Variants in TLK1 observed in about 807,000 individuals in gnomAD.
TLK1 encodes the protein tousled like kinase 1, also known as serine/threonine-protein kinase tousled-like 1.
In TLK1, 24 loss-of-function variants were observed where a neutral mutation model predicts 105.3. The ratio of observed to expected loss-of-function variants is 0.23; its 90% CI spans 0.17 to 0.32. The LOEUF is 0.32. TLK1 is among the 10% of genes least tolerant of loss of function. The probability of loss-of-function intolerance (pLI) is 1.00; values close to 1 mark genes in which losing one functional copy is unlikely to be tolerated. For missense variants in TLK1, 558 were observed against 910.5 expected, an observed-to-expected ratio of 0.61 and a Z score of 4.98; for synonymous variants, 321 against 310.4, an observed-to-expected ratio of 1.03 and a Z score of -0.36.
intron 3 of TLK1, among the ~76,000 whole-genome samples, chr2:171,062,280 G>C (rs1330865933): frequency 1.3e-5 from 2 of 152,176 alleles, no homozygotes; most frequent in African/African-American, 2.4e-5. Context: ...ATGAATGAAT[G>C]AATCTTACTA....
intron 2 of TLK1, among the ~76,000 whole-genome samples, chr2:171,111,099 T>C (rs1404340024): frequency 1.3e-5 from 2 of 152,098 alleles, no homozygotes; most frequent in Non-Finnish European, 2.9e-5. Context: ...AAAACAAAAA[T>C]TTGTTTATTT....
intron 1 of TLK1, among the ~76,000 whole-genome samples, chr2:171,184,214 G>T (rs571700141): frequency 1.2e-4 from 18 of 152,318 alleles, no homozygotes; most frequent in Non-Finnish European, 2.4e-4. Flanking sequence ...CTCACCTAGA[G>T]AATCCAAAAA....
chr2:171,126,669 T>C (rs1020290457), intron 1 of TLK1, among the ~76,000 whole-genome samples: 3 of 152,138 alleles, frequency 2.0e-5, no homozygotes. Context: ...TTTCTAATAG[T>C]AGATTCAATT....
At chr2:171,006,772 T>TA in intron 16 of TLK1, 28 bp downstream of exon 16, 1 of 1,603,382 alleles carries the variant, frequency 6.2e-7, no homozygotes, top group Non-Finnish European at 8.5e-7. Flanking sequence ...TATCTTTCCT[T>TA]AAAAATTGAA....
intron 12 of TLK1, among the ~76,000 whole-genome samples, chr2:171,015,307 A>C (rs1043153810): frequency 1.3e-5 from 2 of 152,136 alleles, no homozygotes; most frequent in African/African-American, 4.8e-5. Context: ...AGAAGGAATA[A>C]TTTACTAGTA....
At chr2:171,228,809 A>T (rs11887508) in intron 1 of TLK1, among the ~76,000 whole-genome samples, 31,551 of 151,926 alleles carry the variant, frequency 0.21, 3,360 homozygotes, top group South Asian at 0.25. Flanking sequence ...TACTCTGGAG[A>T]TATATTTTGC....
intron 1 of TLK1, among the ~76,000 whole-genome samples, chr2:171,201,360 G>A (rs889516652): frequency 2.6e-5 from 4 of 152,026 alleles, no homozygotes; most frequent in Non-Finnish European, 4.4e-5. Flanking sequence ...GTCATCAATC[G>A]TTATGAAGCA....
chr2:171,002,767 C>T (rs2081459133), intron 18 of TLK1, among the ~76,000 whole-genome samples: 1 of 152,046 alleles, frequency 6.6e-6, no homozygotes, highest in Non-Finnish European at 1.5e-5. Flanking sequence ...TCCTGTGTAG[C>T]TGGGATTACA....
chr2:171,038,185 C>A (rs1017527065), intron 11 of TLK1, among the ~76,000 whole-genome samples: 1 of 152,076 alleles, frequency 6.6e-6, no homozygotes, highest in African/African-American at 2.4e-5. Context: ...TAGTAATATT[C>A]CTTTTTTCAT....
At chr2:171,085,897 A>G (rs1301262046) in intron 2 of TLK1, among the ~76,000 whole-genome samples, 1 of 152,210 alleles carries the variant, frequency 6.6e-6, no homozygotes, top group African/African-American at 2.4e-5. Flanking sequence ...TATTTTTAAA[A>G]CTAGGGGATG....
rs1692987238 is a variant in TLK1, at chr2:171,184,508, G to A, written c.-6+46637C>T. 2.6e-5 allele frequency among the ~76,000 whole-genome samples: 4 copies of A among 151,904 alleles called. No individual in the cohort carries two copies. The South Asian group carries it at 8.3e-4, about 32-fold the overall frequency. ...AAATACAAAATTAGCTGGGTGTGGTGGCTCATGCCTGTAGTCCCAGCTACT... is the reference window on the plus strand; with the variant it reads ...AAATACAAAATTAGCTGGGTGTGGTAGCTCATGCCTGTAGTCCCAGCTACT... On this transcript the variant is annotated intron_variant, in intron 1 of 20. Transcript: ENST00000521943.
chr2:171,078,367 G>A (rs769846484), intron 3 of TLK1, among the ~76,000 whole-genome samples: 7 of 151,856 alleles, frequency 4.6e-5, no homozygotes, highest in African/African-American at 1.7e-4. Context: ...GTGAAACCCC[G>A]TCTCTACTAA....
At chr2:171,219,171 C>A (rs1305639564) in intron 1 of TLK1, among the ~76,000 whole-genome samples, 3 of 152,108 alleles carry the variant, frequency 2.0e-5, no homozygotes, top group African/African-American at 7.2e-5. Flanking sequence ...GTTCTGGAGA[C>A]CAGAAGTTTG....
intron 13 of TLK1, among the ~76,000 whole-genome samples, chr2:171,012,911 T>C (rs939836599): frequency 1.3e-5 from 2 of 152,234 alleles, no homozygotes; most frequent in East Asian, 3.8e-4. Flanking sequence ...GCTGTAACAG[T>C]TGATTTTATT....
At chr2:171,186,562 G>A (rs1476172338) in intron 1 of TLK1, among the ~76,000 whole-genome samples, 2 of 152,130 alleles carry the variant, frequency 1.3e-5, no homozygotes, top group African/African-American at 4.8e-5. Flanking sequence ...TTAAGAAGCG[G>A]ACTTTATTTC....
At chr2:171,098,111 G>A (rs1261576849) in intron 2 of TLK1, among the ~76,000 whole-genome samples, 1 of 152,142 alleles carries the variant, frequency 6.6e-6, no homozygotes, top group Non-Finnish European at 1.5e-5. Flanking sequence ...GGGGGTAGGG[G>A]AAATGGGGAG....
At chr2:171,201,181 G>T (rs916621801) in intron 1 of TLK1, among the ~76,000 whole-genome samples, 1 of 152,018 alleles carries the variant, frequency 6.6e-6, no homozygotes. Flanking sequence ...ACCGCACCCG[G>T]CCTCAAATCC....
chr2:171,201,822 G>T (rs997711851), intron 1 of TLK1, among the ~76,000 whole-genome samples: 1 of 152,148 alleles, frequency 6.6e-6, no homozygotes, highest in Non-Finnish European at 1.5e-5. Flanking sequence ...ACTGGAGAGG[G>T]CAGTGAGAAC....
chr2:171,103,282 A>ATATATATATATAT (rs55949414), intron 2 of TLK1, among the ~76,000 whole-genome samples: 12 of 147,950 alleles, frequency 8.1e-5, no homozygotes, highest in African/African-American at 2.6e-4. Flanking sequence ...ATATATATAT[A>ATATATATATATAT]ATTTTTTTTG....
Sources: allele counts gnomAD v4.1 joint callset (sites outside exome capture counted in the v4.1 genomes callset), GRCh38; gene constraint gnomAD v4.1.1; transcripts MANE v1.5; gene names NCBI Gene and HGNC (gene_info 2026-07-23, HGNC 2026-07-21).